Variants in ZMYM2 observed in about 807,000 individuals in gnomAD.
The protein encoded by ZMYM2 is zinc finger MYM-type protein 2.
A neutral mutation model predicts 162.8 loss-of-function variants in ZMYM2; 56 were observed. The observed-to-expected ratio is 0.34, with a 90% CI of 0.28 to 0.43. The LOEUF is 0.43. Among genes scored for constraint, ZMYM2 ranks in the 20% least tolerant of loss-of-function variants. The pLI is 1.00. For missense variants in ZMYM2, 1,275 were observed against 1,621.8 expected, an observed-to-expected ratio of 0.79 and a Z score of 3.67; for synonymous variants, 510 against 541.6, an observed-to-expected ratio of 0.94 and a Z score of 0.81.
upstream of ZMYM2, among the ~76,000 whole-genome samples, chr13:19,954,190 A>G (rs1242183966): frequency 4.0e-5 from 5 of 124,892 alleles, no homozygotes; most frequent in South Asian, 2.8e-4. Context: ...GTGCGGTGGC[A>G]CAATCTCGGC....
intron 3 of ZMYM2, among the ~76,000 whole-genome samples, chr13:20,000,711 C>G (rs1566262181): frequency 6.6e-6 from 1 of 152,212 alleles, no homozygotes; most frequent in Non-Finnish European, 1.5e-5. Flanking sequence ...TCCAAGAGCT[C>G]TGATGGAGAT....
intron 6 of ZMYM2, among the ~76,000 whole-genome samples, chr13:20,015,564 C>T (rs1951552562): frequency 6.6e-6 from 1 of 152,104 alleles, no homozygotes; most frequent in Non-Finnish European, 1.5e-5. Flanking sequence ...ATTGATGTCT[C>T]CAGCTATTAT....
chr13:19,945,849 C>T, the ZMYM2 span, among the ~76,000 whole-genome samples: 13 of 149,318 alleles, frequency 8.7e-5, no homozygotes, highest in African/African-American at 3.0e-4. Context: ...CTTGGGAGGC[C>T]GAGGCAGGAG....
At chr13:19,944,432 C>G in the ZMYM2 span, among the ~76,000 whole-genome samples, 5 of 151,988 alleles carry the variant, frequency 3.3e-5, no homozygotes, top group Non-Finnish European at 7.4e-5. Context: ...AAAGAATGGG[C>G]TGTATCTATG....
chr13:19,979,972 C>A (rs1368240822), intron 2 of ZMYM2, among the ~76,000 whole-genome samples: 1 of 152,092 alleles, frequency 6.6e-6, no homozygotes, highest in Non-Finnish European at 1.5e-5. Flanking sequence ...TCTCTGTCTT[C>A]ATCTGTATTT....
At chr13:19,904,273 T>C in the ZMYM2 span, among the ~76,000 whole-genome samples, 6 of 152,110 alleles carry the variant, frequency 3.9e-5, no homozygotes, top group Non-Finnish European at 8.8e-5. Flanking sequence ...AATAATACTG[T>C]TGGCCGGGCG....
rs1464607592 is a variant in ZMYM2 at position 20,028,168 on chromosome 13, C to T, written c.1851+850C>T. ...ATTTAAATTGAGGTGTTTTTGAATTCAAATGAATGTCAGTTTTTGTTAATA... is the reference window on the plus strand; with the variant it reads ...ATTTAAATTGAGGTGTTTTTGAATTTAAATGAATGTCAGTTTTTGTTAATA... On this transcript the variant is annotated intron_variant, in intron 9 of 24. Coordinates refer to ENST00000610343, the MANE Select transcript of ZMYM2 (RefSeq NM_197968.4). 4.4e-5 allele frequency: 7 copies of T among 160,736 alleles called. No homozygotes were observed. In the East Asian group the frequency reaches 9.9e-4, roughly 23 times the overall value. The allele number at this position is 160,736 out of a possible 1,614,324, so 10.0% of individuals were successfully genotyped here. A position where few individuals can be genotyped will look rare whatever the true frequency, so the allele number is the denominator to read the frequency against.
rs201007773 is a variant in ZMYM2 at position 20,070,059 on chromosome 13, CT to C, written c.3453+2672del. Among the ~76,000 whole-genome samples the C allele has an allele frequency of 5.9e-5, 9 of 151,984 alleles. 2 individuals carry two copies. The East Asian group carries it at 1.7e-3, about 29-fold the overall frequency. On this transcript the variant is annotated intron_variant, in intron 21 of 24. Transcript: ENST00000610343. ...CTGTAAGACCTCCCACTTGCTTATT[CT>C]TTGCTTACTTAACTTTTTGTTTGAT...
chr13:20,026,993 G>A (rs1407754952), intron 8 of ZMYM2, among the ~76,000 whole-genome samples: 1 of 151,930 alleles, frequency 6.6e-6, no homozygotes, highest in Non-Finnish European at 1.5e-5. Context: ...CCAAAACTGA[G>A]TTTTTTCTCT....
At chr13:19,866,719 G>T in the ZMYM2 span, among the ~76,000 whole-genome samples, 2 of 152,076 alleles carry the variant, frequency 1.3e-5, no homozygotes, top group Non-Finnish European at 2.9e-5. Context: ...AACATAGTGG[G>T]ACCCAGTCTC....
chr13:20,067,668 G>A (rs1293939149), intron 21 of ZMYM2, among the ~76,000 whole-genome samples: 1 of 152,166 alleles, frequency 6.6e-6, no homozygotes. Context: ...TCATAACTCT[G>A]TAAATAGGTC....
At chr13:19,995,604 C>T (rs932053560) in intron 3 of ZMYM2, among the ~76,000 whole-genome samples, 1 of 152,088 alleles carries the variant, frequency 6.6e-6, no homozygotes, top group Non-Finnish European at 1.5e-5. Flanking sequence ...GTCTTGAACT[C>T]GTGGCCTCAA....
At chr13:20,036,460 A>T (rs565715250) in intron 11 of ZMYM2, among the ~76,000 whole-genome samples, 37 of 152,306 alleles carry the variant, frequency 2.4e-4, no homozygotes, top group African/African-American at 8.4e-4. Context: ...CCCAGGCCCA[A>T]GCAAGATTCT....
chr13:19,892,772 T>TCAC, the ZMYM2 span, among the ~76,000 whole-genome samples: 1 of 150,990 alleles, frequency 6.6e-6, no homozygotes, highest in East Asian at 2.0e-4. Context: ...TGGGTTGCAG[T>TCAC]GGTGTAATGT....
chr13:19,921,276 G>A, the ZMYM2 span, among the ~76,000 whole-genome samples: 2 of 151,950 alleles, frequency 1.3e-5, no homozygotes, highest in Non-Finnish European at 2.9e-5. Context: ...AGTAGCTGGG[G>A]TTACAGACAT....
At chr13:19,988,627 CA>C (rs1384656165) in intron 2 of ZMYM2, among the ~76,000 whole-genome samples, 1 of 152,020 alleles carries the variant, frequency 6.6e-6, no homozygotes, top group African/African-American at 2.4e-5. Flanking sequence ...ACTGAAAACA[CA>C]AAAAATTAGC....
At chr13:19,912,298 T>G in the ZMYM2 span, among the ~76,000 whole-genome samples, 10 of 150,854 alleles carry the variant, frequency 6.6e-5, no homozygotes, top group South Asian at 2.1e-4. Context: ...TTGGGTTTTT[T>G]TTTTTTTTTT....
rs1956523419 is a variant in ZMYM2, at chr13:20,064,539, A to G, written c.3126A>G (p.Lys1042=). Residue 1042 remains lysine, a synonymous_variant, in exon 19 of 25, where the codon AAA becomes AAG. Transcript: ENST00000610343. ...EYEEQPRPRS[K]KKGAKRKAVS... The stretch of plus-strand genomic sequence containing the variant: ...AGGAACAGCCCAGACCTCGATCTAA[A>G]AAAAAGGTACATTCACTTAATAGCC... The G allele has an allele frequency of 1.3e-6, 2 of 1,576,738 alleles. No homozygotes were observed. Among genetic ancestry groups the G allele is most frequent in the Admixed American group, 3.6e-5 (2 of 55,110 alleles).
the ZMYM2 span, among the ~76,000 whole-genome samples, chr13:19,899,749 A>T: frequency 3.0e-5 from 4 of 135,114 alleles, no homozygotes; most frequent in East Asian, 1.0e-3. Context: ...CCCGGGAGGG[A>T]GAGGTTGCAG....
Sources: allele counts gnomAD v4.1 joint callset (sites outside exome capture counted in the v4.1 genomes callset), GRCh38; gene constraint gnomAD v4.1.1; transcripts MANE v1.5; gene names NCBI Gene and HGNC (gene_info 2026-07-23, HGNC 2026-07-21).